The following DIP2C variants were observed in gnomAD, a reference collection of about 807,000 sequenced individuals.
The protein encoded by DIP2C is disco-interacting protein 2 homolog C.
In DIP2C, 33 loss-of-function variants were observed where a neutral mutation model predicts 192.4. That is an observed-to-expected ratio of 0.17 (90% CI 0.13 to 0.23). The LOEUF is 0.23. DIP2C is among the 10% of genes least tolerant of loss of function. The pLI is 1.00. For synonymous variants in DIP2C, 979 were observed against 864.1 expected (o/e 1.13, Z -2.33); for missense variants, 1,537 against 2,110.1 (o/e 0.73, Z 5.32).
Position 399,144 on chromosome 10 carries a change from C to A in DIP2C, c.1225G>T (p.Val409Phe). 1 of 1,613,916 alleles carries A rather than the reference C, an allele frequency of 6.2e-7. No homozygotes were observed. The highest frequency in any genetic ancestry group is 8.5e-7 in the Non-Finnish European group (1 of 1,180,024). The change falls in exon 10 of 37, where the codon GTC becomes TTC. Residue 409 changes from valine (V) to phenylalanine (F), a missense_variant. Val to Phe is a conservative substitution (Grantham distance 50). Transcript: ENST00000280886. ...AFYGCLLAEV[V>F]PVPIEVPLTR... ...AGCGGCACCTCGATGGGCACGGGGA[C>A]CACCTCGGCCAGCAGGCAGCCGTAG...
chr10:589,881 T>C (rs888674323), intron 1 of DIP2C, among the ~76,000 whole-genome samples: 3 of 152,204 alleles, frequency 2.0e-5, no homozygotes, highest in African/African-American at 4.8e-5. Flanking sequence ...ATGAGACCAA[T>C]GTAGCCATTA....
At position 423,522 on chromosome 10, in the gene DIP2C, G is replaced by A. The variant is rs535311149; in HGVS notation, c.395-489C>T. Among the ~76,000 whole-genome samples, 86 of 152,074 alleles carry A rather than the reference G, an allele frequency of 5.7e-4. No homozygotes were observed. The Middle Eastern group carries it at 0.017, about 30-fold the overall frequency. On this transcript the variant is annotated intron_variant, in intron 4 of 36. Transcript: ENST00000280886. ...TACCCATGCAGCTGATTTCTATGTCGGTGTGTGTGTTAGACACCCATGCAG... is the reference window on the plus strand; with the variant it reads ...TACCCATGCAGCTGATTTCTATGTCAGTGTGTGTGTTAGACACCCATGCAG...
At chr10:277,796 C>A (rs1241495286) in intron 36 of DIP2C, among the ~76,000 whole-genome samples, 4 of 152,106 alleles carry the variant, frequency 2.6e-5, no homozygotes, top group Admixed American at 1.3e-4. Context: ...CCTTCTCTCT[C>A]GGTGGCTTCT....
chr10:420,500 A>AAC (rs1966109982), intron 5 of DIP2C, among the ~76,000 whole-genome samples: 1 of 152,206 alleles, frequency 6.6e-6, no homozygotes, highest in Admixed American at 6.5e-5. Flanking sequence ...CTGCAGAACC[A>AAC]ACACACACCC....
At chr10:424,817 C>T (rs1966466131) in intron 4 of DIP2C, among the ~76,000 whole-genome samples, 1 of 152,206 alleles carries the variant, frequency 6.6e-6, no homozygotes, top group Non-Finnish European at 1.5e-5. Flanking sequence ...TCTTTCATTC[C>T]CCACTCCCAC....
intron 1 of DIP2C, among the ~76,000 whole-genome samples, chr10:606,971 C>T (rs1852535547): frequency 6.6e-6 from 1 of 152,186 alleles, no homozygotes; most frequent in African/African-American, 2.4e-5. Context: ...AACCCAAGTC[C>T]CTGCACTCAT....
chr10:601,884 G>A (rs998817581), intron 1 of DIP2C, among the ~76,000 whole-genome samples: 5 of 152,210 alleles, frequency 3.3e-5, no homozygotes, highest in African/African-American at 1.2e-4. Context: ...CGGGTAAGGA[G>A]AGAACGGGAG....
At chr10:680,939 C>T (rs747953624) in intron 1 of DIP2C, among the ~76,000 whole-genome samples, 5 of 151,438 alleles carry the variant, frequency 3.3e-5, no homozygotes, top group Admixed American at 6.6e-5. Context: ...CCTGTGGCCA[C>T]GGAAATTCCA....
chr10:416,348 A>T (rs1223639723), intron 6 of DIP2C, among the ~76,000 whole-genome samples: 1 of 151,984 alleles, frequency 6.6e-6, no homozygotes, highest in African/African-American at 2.4e-5. Flanking sequence ...AGCCTCATGG[A>T]GGCACGAGAA....
intron 1 of DIP2C, among the ~76,000 whole-genome samples, chr10:489,918 C>G (rs1157573469): frequency 5.4e-5 from 1 of 18,504 alleles, no homozygotes; most frequent in Non-Finnish European, 1.2e-4. Flanking sequence ...GGTGCCTGGT[C>G]CTTCCTCCAT....
chr10:645,586 A>C (rs1564299057), intron 1 of DIP2C, among the ~76,000 whole-genome samples: 1 of 152,268 alleles, frequency 6.6e-6, no homozygotes, highest in East Asian at 1.9e-4. Context: ...TATTATAAGT[A>C]ATTTTTAAAC....
rs1218320380 is a variant in DIP2C, at chr10:277,249, G to A, written c.*76C>T. On this transcript the variant is annotated 3_prime_UTR_variant, in exon 37 of 37. Coordinates refer to ENST00000280886, the MANE Select transcript of DIP2C (RefSeq NM_014974.3). ...GCTGTATTCTGGTGAGTGTTGCCCTGTGTCTGCACGCTTCAGTGGACACGG... is the reference window on the plus strand; with the variant it reads ...GCTGTATTCTGGTGAGTGTTGCCCTATGTCTGCACGCTTCAGTGGACACGG... The A allele has an allele frequency of 4.5e-6, 7 of 1,569,356 alleles. No homozygotes were observed. Among genetic ancestry groups the A allele is most frequent in the Non-Finnish European group, 6.0e-6 (7 of 1,160,686 alleles).
At chr10:458,362 C>A (rs1302913818) in intron 3 of DIP2C, among the ~76,000 whole-genome samples, 1 of 152,236 alleles carries the variant, frequency 6.6e-6, no homozygotes, top group Non-Finnish European at 1.5e-5. Flanking sequence ...GAAAGATAAA[C>A]CTTCTCAGTC....
At chr10:546,633 G>T (rs1044692492) in intron 1 of DIP2C, among the ~76,000 whole-genome samples, 1 of 152,218 alleles carries the variant, frequency 6.6e-6, no homozygotes, top group East Asian at 1.9e-4. Context: ...CTGCAACGCA[G>T]AGTCTGGACC....
chr10:568,065 C>G (rs577647044), intron 1 of DIP2C, among the ~76,000 whole-genome samples: 5 of 152,366 alleles, frequency 3.3e-5, no homozygotes, highest in African/African-American at 1.2e-4. Context: ...GTTCTCTGCA[C>G]TAATGCCACA....
intron 1 of DIP2C, among the ~76,000 whole-genome samples, chr10:517,729 C>A (rs1389979688): frequency 6.6e-6 from 1 of 152,168 alleles, no homozygotes; most frequent in Admixed American, 6.5e-5. Flanking sequence ...TGATTGACGG[C>A]TTACAAACAC....
At chr10:436,897 T>C (rs1967280561) in intron 4 of DIP2C, among the ~76,000 whole-genome samples, 1 of 141,772 alleles carries the variant, frequency 7.1e-6, no homozygotes, top group Non-Finnish European at 1.5e-5. Flanking sequence ...CGCCCACACC[T>C]GAGCTCTCTC....
Position 396,974 on chromosome 10 carries a change from A to G in DIP2C, c.1260+2135T>C, listed in dbSNP as rs116118207. ...TCCTGGCTTTGTACATAGGAAATGA[A>G]AATAGCAATCATCTTTCCTGTTTCC... is the stretch of plus-strand genomic sequence containing the variant. On this transcript the variant is annotated intron_variant, in intron 10 of 36. Transcript: ENST00000280886. 6.0e-3 allele frequency among the ~76,000 whole-genome samples: 913 copies of G among 152,288 alleles called. 3 individuals are homozygous for G. The highest frequency in any genetic ancestry group is 0.014 in the Middle Eastern group (4 of 294).
At chr10:338,823 C>T (rs1407830040) in intron 29 of DIP2C, among the ~76,000 whole-genome samples, 4 of 151,436 alleles carry the variant, frequency 2.6e-5, no homozygotes, top group Admixed American at 6.6e-5. Flanking sequence ...CCACAGCCCA[C>T]GCCACCTGCA....
Sources: gnomAD v4.1 joint callset for allele counts (sites outside exome capture counted in the v4.1 genomes callset) on GRCh38, gnomAD v4.1.1 for gene constraint, MANE v1.5 for transcripts, NCBI Gene and HGNC (gene_info 2026-07-23, HGNC 2026-07-21) for gene names.